The following DOCK1 variants were observed in gnomAD, a reference collection of about 807,000 sequenced individuals.
DOCK1 encodes dedicator of cytokinesis 1.
In DOCK1, 138 loss-of-function variants were observed where a neutral mutation model predicts 262.7. That is an observed-to-expected ratio of 0.53 (90% CI 0.46 to 0.61). DOCK1 has a LOEUF of 0.61. Among genes scored for constraint, DOCK1 ranks in the 20% least tolerant of loss-of-function variants. The probability of loss-of-function intolerance (pLI) is 0.00; values close to 1 mark genes in which losing one functional copy is unlikely to be tolerated. For synonymous variants in DOCK1, 866 were observed against 867.4 expected, an observed-to-expected ratio of 1.00 and a Z score of 0.03; for missense variants, 1,908 against 2,370.7, an observed-to-expected ratio of 0.80 and a Z score of 4.05.
intron 33 of DOCK1, among the ~76,000 whole-genome samples, chr10:127,362,888 C>G (rs2064604875): frequency 1.2e-5 from 1 of 82,238 alleles, no homozygotes; most frequent in African/African-American, 5.5e-5. Flanking sequence ...CACATCCCCA[C>G]ACACACACAC....
chr10:127,104,411 G>A (rs543759560), intron 23 of DOCK1, among the ~76,000 whole-genome samples: 18 of 152,174 alleles, frequency 1.2e-4, no homozygotes, highest in South Asian at 4.2e-4. Context: ...ATTTAAGATC[G>A]GTGATCTATT....
intron 29 of DOCK1, among the ~76,000 whole-genome samples, chr10:127,317,902 C>T (rs1478680305): frequency 6.6e-6 from 1 of 152,236 alleles, no homozygotes. Flanking sequence ...AGTTTGTACC[C>T]AGAGGCTCTG....
chr10:127,036,297 G>A (rs2043611619), intron 18 of DOCK1, among the ~76,000 whole-genome samples: 2 of 152,128 alleles, frequency 1.3e-5, no homozygotes, highest in South Asian at 2.1e-4. Context: ...GGATCTTTGG[G>A]TGCTCCTTTT....
intron 12 of DOCK1, among the ~76,000 whole-genome samples, chr10:127,013,146 A>C (rs2041599399): frequency 6.6e-6 from 1 of 152,212 alleles, no homozygotes. Context: ...AGCCTGAAGA[A>C]TGTTTTAGAG....
At chr10:127,448,658 TC>T (rs2070751214) in intron 51 of DOCK1, among the ~76,000 whole-genome samples, 1 of 152,188 alleles carries the variant, frequency 6.6e-6, no homozygotes, top group Admixed American at 6.5e-5. Flanking sequence ...GGGTAAAATA[TC>T]CCTCTTCATA....
At position 127,081,122 on chromosome 10, in the gene DOCK1, C is replaced by A. The variant is rs764979610; in HGVS notation, c.2445+19346C>A. On this transcript the variant is annotated intron_variant, in intron 23 of 51. Transcript: ENST00000623213. ...TATTTCCTTTTATTAGAAGATAGAA[C>A]GATTTTCTTAGATGAGCAGTTATCA... Among the ~76,000 whole-genome samples the A allele has an allele frequency of 3.9e-5, 6 of 152,192 alleles. No homozygotes were observed. The East Asian group carries it at 1.2e-3, about 29-fold the overall frequency.
At chr10:127,151,727 G>A (rs368596275) in intron 27 of DOCK1, among the ~76,000 whole-genome samples, 4 of 152,220 alleles carry the variant, frequency 2.6e-5, no homozygotes, top group East Asian at 3.9e-4. Flanking sequence ...ACAGTGCCTC[G>A]CCCTCTACCT....
In DOCK1 at chr10:127,185,896, C is replaced by T. The variant is rs114455760; in HGVS notation, c.2847+58132C>T. Among the ~76,000 whole-genome samples, 730 of 152,162 alleles carry T rather than the reference C, an allele frequency of 4.8e-3. 6 individuals are homozygous for T. Among genetic ancestry groups the T allele is most frequent in the African/African-American group, 0.017 (696 of 41,502 alleles). On this transcript the variant is annotated intron_variant, in intron 27 of 51. Transcript: ENST00000623213. ...ATTTAACCATGCAGTATATTGGGGC[C>T]CCATACTGTTGTAGAAAATGTGACT...
At chr10:127,070,250 C>CTTTTTTTTTTTTTTT (rs71032535) in intron 23 of DOCK1, among the ~76,000 whole-genome samples, 1 of 92,948 alleles carries the variant, frequency 1.1e-5, no homozygotes, top group Non-Finnish European at 2.0e-5. Flanking sequence ...GAATTTAGCC[C>CTTTTTTTTTTTTTTT]TTTTTTTTTT....
chr10:127,073,495 A>G (rs1197563844), intron 23 of DOCK1, among the ~76,000 whole-genome samples: 1 of 152,222 alleles, frequency 6.6e-6, no homozygotes, highest in Non-Finnish European at 1.5e-5. Flanking sequence ...TGGGAGTCCA[A>G]GTGTTAAGCA....
At chr10:126,996,614 T>C in intron 6 of DOCK1, 134 bp from the exon 7 acceptor site, 1 of 769,154 alleles carries the variant, frequency 1.3e-6, no homozygotes, top group Non-Finnish European at 1.9e-6. Flanking sequence ...AAGAATTTTA[T>C]ATTCCTAATA....
chr10:127,140,559 A>G (rs1462768093), intron 27 of DOCK1, among the ~76,000 whole-genome samples: 1 of 152,210 alleles, frequency 6.6e-6, no homozygotes, highest in South Asian at 2.1e-4. Context: ...AATAATGTGC[A>G]TTGTTCTGGA....
intron 21 of DOCK1, among the ~76,000 whole-genome samples, chr10:127,049,120 C>A (rs1416965116): frequency 1.3e-5 from 2 of 151,958 alleles, no homozygotes; most frequent in Non-Finnish European, 2.9e-5. Context: ...TTAAAACAAA[C>A]ATAAAAGGAA....
rs371666904 is a variant in DOCK1 at position 127,125,621 on chromosome 10, G to T, written c.2751+20G>T. On this transcript the variant is annotated intron_variant, in intron 26 of 51. Coordinates refer to ENST00000623213, the MANE Select transcript of DOCK1 (RefSeq NM_001290223.2). ...GACGTGGTGAGTGTTGGCTCTGTGC[G>T]TGACGTCCTGCCATTTGCCTGAACC... 2 of 1,604,842 alleles carry T rather than the reference G, an allele frequency of 1.2e-6. No individual in the cohort carries two copies. Among genetic ancestry groups the T allele is most frequent in the Admixed American group, 1.7e-5 (1 of 58,232 alleles).
chr10:127,319,039 G>A (rs1051623861), intron 29 of DOCK1, among the ~76,000 whole-genome samples: 1 of 152,156 alleles, frequency 6.6e-6, no homozygotes, highest in African/African-American at 2.4e-5. Context: ...GCAGGGATCT[G>A]CCTCCTTGCC....
At chr10:127,387,541 A>G (rs1195515785) in intron 38 of DOCK1, among the ~76,000 whole-genome samples, 1 of 152,158 alleles carries the variant, frequency 6.6e-6, no homozygotes, top group Non-Finnish European at 1.5e-5. Flanking sequence ...CCAGCCACGG[A>G]AACATCCTCT....
intron 2 of DOCK1, among the ~76,000 whole-genome samples, chr10:126,972,323 A>G: frequency 6.6e-6 from 1 of 152,154 alleles, no homozygotes; most frequent in East Asian, 1.9e-4. Context: ...TTTGCAAATA[A>G]TTTGAGCATG....
intron 1 of DOCK1, among the ~76,000 whole-genome samples, chr10:126,953,321 AGTG>A (rs1312943687): frequency 2.9e-5 from 4 of 139,980 alleles, no homozygotes; most frequent in African/African-American, 1.1e-4. Context: ...TGGAGGTGGT[AGTG>A]GTGGTAGTAT....
intron 27 of DOCK1, among the ~76,000 whole-genome samples, chr10:127,151,749 C>T (rs146219719): frequency 6.2e-4 from 94 of 152,260 alleles, no homozygotes; most frequent in African/African-American, 1.9e-3. Flanking sequence ...GTGAGTCTTC[C>T]TAAGTCTTGG....
Sources: allele counts gnomAD v4.1 joint callset (sites outside exome capture counted in the v4.1 genomes callset), GRCh38; gene constraint gnomAD v4.1.1; transcripts MANE v1.5; gene names NCBI Gene and HGNC (gene_info 2026-07-23, HGNC 2026-07-21).